PARN: variants seen among roughly 807,000 people sequenced by gnomAD.
PARN encodes poly(A)-specific ribonuclease, also known as poly(A)-specific ribonuclease PARN.
Under a neutral mutation model 102.8 loss-of-function variants are expected in PARN, and 71 were observed. The observed-to-expected ratio is 0.69, with a 90% CI of 0.57 to 0.84. PARN has a LOEUF of 0.84. PARN is among the 40% of genes least tolerant of loss of function. The pLI, the probability that PARN is intolerant of heterozygous loss-of-function variation, is 0.00. For missense variants in PARN, 782 were observed against 760.9 expected, an observed-to-expected ratio of 1.03 and a Z score of -0.33; for synonymous variants, 261 against 252.9, an observed-to-expected ratio of 1.03 and a Z score of -0.30.
At chr16:14,613,197 T>G (rs990520428) in intron 6 of PARN, among the ~76,000 whole-genome samples, 17 of 151,188 alleles carry the variant, frequency 1.1e-4, no homozygotes, top group Non-Finnish European at 1.8e-4. Context: ...TAATCCCAGC[T>G]ACTCTGGAGG....
chr16:14,567,960 A>G (rs1479681824), intron 18 of PARN, among the ~76,000 whole-genome samples: 1 of 152,214 alleles, frequency 6.6e-6, no homozygotes, highest in Admixed American at 6.5e-5. Flanking sequence ...CTAAATTGCC[A>G]TTCTCAATTA....
chr16:14,514,146 T>C (rs1965340282), intron 21 of PARN, among the ~76,000 whole-genome samples: 1 of 152,214 alleles, frequency 6.6e-6, no homozygotes, highest in Non-Finnish European at 1.5e-5. Context: ...AGGGGGGATA[T>C]AAGAGTCACT....
At chr16:14,437,463 G>A (rs1960751924) in intron 23 of PARN, among the ~76,000 whole-genome samples, 1 of 152,182 alleles carries the variant, frequency 6.6e-6, no homozygotes, top group Non-Finnish European at 1.5e-5. Context: ...CCTCTTCTTG[G>A]ATTGAAAAGA....
At chr16:14,441,452 T>C (rs1284553314) in intron 23 of PARN, among the ~76,000 whole-genome samples, 1 of 152,238 alleles carries the variant, frequency 6.6e-6, no homozygotes, top group African/African-American at 2.4e-5. Flanking sequence ...CACAGGACAC[T>C]GGAAGCTTCC....
rs149118943 is a variant in PARN, at chr16:14,451,208, C to A, written c.1671-4127G>T. Among the ~76,000 whole-genome samples, 1,292 of 152,274 alleles carry A rather than the reference C, an allele frequency of 8.5e-3. 23 individuals carry two copies. The highest frequency in any genetic ancestry group is 0.029 in the African/African-American group (1,213 of 41,564). On this transcript the variant is annotated intron_variant, in intron 22 of 23. Coordinates refer to ENST00000437198, the MANE Select transcript of PARN (RefSeq NM_002582.4). The stretch of plus-strand genomic sequence containing the variant: ...TCCCACACTGCCCATTTCAATGTTA[C>A]CGTTCATGCTAAGACCCTACTGCCC...
chr16:14,439,848 A>G (rs1366076724), intron 23 of PARN, among the ~76,000 whole-genome samples: 4 of 152,042 alleles, frequency 2.6e-5, no homozygotes, highest in Non-Finnish European at 5.9e-5. Flanking sequence ...ACCCATCTCT[A>G]CTAAAAAAGT....
chr16:14,539,596 G>C (rs1330414195), intron 21 of PARN, among the ~76,000 whole-genome samples: 1 of 152,142 alleles, frequency 6.6e-6, no homozygotes, highest in Non-Finnish European at 1.5e-5. Flanking sequence ...CATTTCCATG[G>C]TGCTTTTGAT....
chr16:14,575,141 ACTT>A (rs1303649218), intron 18 of PARN, among the ~76,000 whole-genome samples: 3 of 152,196 alleles, frequency 2.0e-5, no homozygotes, highest in Non-Finnish European at 4.4e-5. Flanking sequence ...CTCATGGAGA[ACTT>A]CTGCTAGGGC....
intron 21 of PARN, among the ~76,000 whole-genome samples, chr16:14,534,534 G>A (rs1249423192): frequency 6.6e-6 from 1 of 152,000 alleles, no homozygotes; most frequent in Non-Finnish European, 1.5e-5. Context: ...ATTCTATAAT[G>A]AGTTCATTTC....
At chr16:14,557,236 C>T (rs1429515362) in intron 18 of PARN, among the ~76,000 whole-genome samples, 1 of 152,044 alleles carries the variant, frequency 6.6e-6, no homozygotes, top group African/African-American at 2.4e-5. Flanking sequence ...CACGGACCCA[C>T]AGTTAAGGAA....
At chr16:14,493,852 GT>G (rs1220773313) in intron 21 of PARN, among the ~76,000 whole-genome samples, 1 of 152,164 alleles carries the variant, frequency 6.6e-6, no homozygotes, top group East Asian at 1.9e-4. Flanking sequence ...CCAGCCTGGT[GT>G]TTTTCTTTTT....
intron 22 of PARN, among the ~76,000 whole-genome samples, chr16:14,451,869 C>CAAAAAAAAAAAAAAAAAAAAAAT (rs1961467899): frequency 3.8e-5 from 2 of 52,498 alleles, no homozygotes; most frequent in Non-Finnish European, 6.4e-5. Context: ...AAAAAAAATA[C>CAAAAAAAAAAAAAAAAAAAAAAT]AAAAAAAAAA....
rs1971196110 is a variant in PARN, at chr16:14,606,538, A to G, written c.660-12T>C. 2 of 1,514,972 alleles carry G rather than the reference A, an allele frequency of 1.3e-6. No homozygotes were observed. Among genetic ancestry groups the G allele is most frequent in the East Asian group, 4.5e-5 (2 of 44,094 alleles). 93.8% of individuals were successfully genotyped at this position (1,514,972 alleles called of 1,614,324 possible). A position where few individuals can be genotyped will look rare whatever the true frequency, so the allele number is the denominator to read the frequency against. On this transcript the variant is annotated splice_polypyrimidine_tract_variant and intron_variant, in intron 9 of 23. Transcript: ENST00000437198. The stretch of plus-strand genomic sequence containing the variant: ...TGCCTTTCGGATACCTAAAGAAAAG[A>G]AAAACATAGTATCAGTAGATGAGTC...
rs1968458275 is a variant in PARN, at chr16:14,566,722, A to G, written c.1263-11013T>C. Among the ~76,000 whole-genome samples the G allele has an allele frequency of 3.3e-5, 5 of 152,368 alleles. No homozygotes were observed. The South Asian group carries it at 1.0e-3, about 32-fold the overall frequency. ...AAGTTATTTTAAATTATAATAATAA[A>G]CAAGCTATTAAGCCAGAGAGAAATG... On this transcript the variant is annotated intron_variant, in intron 18 of 23. Coordinates refer to ENST00000437198, the MANE Select transcript of PARN (RefSeq NM_002582.4).
At position 14,609,145 on chromosome 16, in the gene PARN, T is replaced by C. The variant is rs376617236; in HGVS notation, c.555-22A>G. 29 of 1,156,838 alleles carry C rather than the reference T, an allele frequency of 2.5e-5. No homozygotes were observed. In the African/African-American group the frequency reaches 3.8e-4, roughly 15 times the overall value. 71.7% of individuals were successfully genotyped at this position (1,156,838 alleles called of 1,614,324 possible). On this transcript the variant is annotated intron_variant, in intron 7 of 23. Coordinates refer to ENST00000437198, the MANE Select transcript of PARN (RefSeq NM_002582.4). ...CTCTCTGAGGAATAAGAATAGACCA[T>C]AACCATCAGTACCTTTAAGGAATGA...
chr16:14,501,460 A>AAAAAAAAAAAAAC (rs71150191), intron 21 of PARN: 5 of 137,548 alleles, frequency 3.6e-5, no homozygotes, highest in African/African-American at 1.1e-4. Flanking sequence ...AAAAAAAAAA[A>AAAAAAAAAAAAAC]CAGAAAGAAA....
chr16:14,545,351 C>T (rs1258712110), intron 21 of PARN, among the ~76,000 whole-genome samples: 1 of 152,072 alleles, frequency 6.6e-6, no homozygotes, highest in Non-Finnish European at 1.5e-5. Context: ...TTAGTCACAA[C>T]AGAATGAAAT....
At chr16:14,508,972 G>T (rs944036364) in intron 21 of PARN, among the ~76,000 whole-genome samples, 1 of 149,750 alleles carries the variant, frequency 6.7e-6, no homozygotes, top group Admixed American at 6.6e-5. Context: ...GAATCCAGAA[G>T]GTAAAAAAAT....
At chr16:14,474,916 G>A (rs1033271304) in intron 22 of PARN, among the ~76,000 whole-genome samples, 9 of 152,206 alleles carry the variant, frequency 5.9e-5, no homozygotes, top group South Asian at 2.1e-4. Flanking sequence ...TTCCTAAAGG[G>A]CTTTTTCCTC....
Sources: gnomAD v4.1 joint callset for allele counts (sites outside exome capture counted in the v4.1 genomes callset) on GRCh38, gnomAD v4.1.1 for gene constraint, MANE v1.5 for transcripts, NCBI Gene and HGNC (gene_info 2026-07-23, HGNC 2026-07-21) for gene names.